AGBL4: variants seen among roughly 807,000 people sequenced by gnomAD.
AGBL4 encodes AGBL carboxypeptidase 4.
Under a neutral mutation model 66.4 loss-of-function variants are expected in AGBL4, and 58 were observed. That is an observed-to-expected ratio of 0.87 (90% CI 0.71 to 1.09). The LOEUF is 1.09. Among genes scored for constraint, AGBL4 ranks in the 50% least tolerant of loss-of-function variants. The pLI, the probability that AGBL4 is intolerant of heterozygous loss-of-function variation, is 0.00. For missense variants in AGBL4, 579 were observed against 631.0 expected, an observed-to-expected ratio of 0.92 and a Z score of 0.88; for synonymous variants, 234 against 222.9, an observed-to-expected ratio of 1.05 and a Z score of -0.44.
chr1:49,129,886 C>T (rs1645852611), intron 4 of AGBL4, among the ~76,000 whole-genome samples: 1 of 152,290 alleles, frequency 6.6e-6, no homozygotes, highest in East Asian at 1.9e-4. Flanking sequence ...GAGGAATCGC[C>T]ACACTGACCT....
At chr1:48,856,628 A>C (rs1185059217) in intron 6 of AGBL4, among the ~76,000 whole-genome samples, 2 of 152,134 alleles carry the variant, frequency 1.3e-5, no homozygotes, top group Non-Finnish European at 2.9e-5. Context: ...AGGAGACTTT[A>C]ATTAGAGAAA....
At chr1:48,689,458 CTCCT>C (rs939102305) in intron 6 of AGBL4, among the ~76,000 whole-genome samples, 3 of 149,840 alleles carry the variant, frequency 2.0e-5, no homozygotes, top group Admixed American at 1.3e-4. Flanking sequence ...CCCTCCCTCC[CTCCT>C]TCCTTCCTTC....
chr1:48,848,289 C>G (rs1400869357), intron 6 of AGBL4, among the ~76,000 whole-genome samples: 1 of 152,200 alleles, frequency 6.6e-6, no homozygotes, highest in Non-Finnish European at 1.5e-5. Flanking sequence ...ATTTCAATGT[C>G]TGAGTCATTA....
At chr1:49,643,595 C>T (rs1222658576) in intron 3 of AGBL4, among the ~76,000 whole-genome samples, 1 of 151,392 alleles carries the variant, frequency 6.6e-6, no homozygotes, top group Non-Finnish European at 1.5e-5. Context: ...AAAAGAGAGG[C>T]ATTATGCACA....
chr1:49,922,137 T>A (rs967192979), intron 1 of AGBL4, among the ~76,000 whole-genome samples: 1 of 152,258 alleles, frequency 6.6e-6, no homozygotes, highest in East Asian at 1.9e-4. Context: ...TTTTTGTTTA[T>A]GTGATGAGTC....
intron 6 of AGBL4, among the ~76,000 whole-genome samples, chr1:48,706,910 G>T (rs1470387557): frequency 1.3e-5 from 2 of 152,174 alleles, no homozygotes; most frequent in Admixed American, 1.3e-4. Context: ...GAGCCATCTG[G>T]TCATGTTCCT....
chr1:48,527,832 C>A, the AGBL4 span, among the ~76,000 whole-genome samples: 7 of 151,952 alleles, frequency 4.6e-5, no homozygotes, highest in African/African-American at 1.7e-4. Context: ...AGAAATGGGG[C>A]GTGAAAGACA....
intron 6 of AGBL4, among the ~76,000 whole-genome samples, chr1:48,749,983 AC>A (rs1297650315): frequency 1.3e-5 from 2 of 152,138 alleles, no homozygotes; most frequent in Non-Finnish European, 2.9e-5. Flanking sequence ...TTCCTGAGGG[AC>A]CACTGTGGGC....
intron 2 of AGBL4, among the ~76,000 whole-genome samples, chr1:49,848,861 G>A (rs1330638119): frequency 6.6e-6 from 1 of 152,128 alleles, no homozygotes; most frequent in Non-Finnish European, 1.5e-5. Context: ...GAAAGTCCAT[G>A]GCATGAAATG....
intron 3 of AGBL4, among the ~76,000 whole-genome samples, chr1:49,317,925 G>A (rs1056138853): frequency 3.3e-5 from 5 of 152,020 alleles, no homozygotes; most frequent in Non-Finnish European, 5.9e-5. Context: ...TGAAAAAAGC[G>A]TTAAAACCAC....
At chr1:49,029,314 A>G (rs528918182) in intron 5 of AGBL4, among the ~76,000 whole-genome samples, 3 of 152,308 alleles carry the variant, frequency 2.0e-5, no homozygotes, top group Admixed American at 6.5e-5. Flanking sequence ...TTTAATCTTA[A>G]GGAATCTAAT....
intron 5 of AGBL4, among the ~76,000 whole-genome samples, chr1:49,027,243 C>T (rs1010822254): frequency 4.6e-5 from 7 of 152,058 alleles, no homozygotes; most frequent in Non-Finnish European, 1.0e-4. Context: ...TCACTACAAC[C>T]TCCGCCTCCC....
chr1:48,867,107 G>C, intron 6 of AGBL4, 84 bp downstream of exon 6: 1 of 1,466,506 alleles, frequency 6.8e-7, no homozygotes, highest in Non-Finnish European at 9.5e-7. Flanking sequence ...AAAAGAGAAG[G>C]GCAAGAATTG....
chr1:49,364,831 AT>A (rs1054062263), intron 3 of AGBL4, among the ~76,000 whole-genome samples: 29 of 152,302 alleles, frequency 1.9e-4, no homozygotes, highest in Non-Finnish European at 3.8e-4. Flanking sequence ...AGGCAGATAA[AT>A]TAAGTAATTG....
chr1:49,097,214 A>G (rs187579233), intron 4 of AGBL4, among the ~76,000 whole-genome samples: 1 of 152,360 alleles, frequency 6.6e-6, no homozygotes, highest in African/African-American at 2.4e-5. Context: ...AAGACATAGA[A>G]TAATATTCCT....
chr1:48,989,315 C>T (rs1331202272), intron 5 of AGBL4, among the ~76,000 whole-genome samples: 1 of 152,082 alleles, frequency 6.6e-6, no homozygotes, highest in African/African-American at 2.4e-5. Context: ...TAGTAATAAT[C>T]ACATCAAGGT....
chr1:49,761,106 C>T (rs1321786744), intron 2 of AGBL4, among the ~76,000 whole-genome samples: 1 of 148,614 alleles, frequency 6.7e-6, no homozygotes, highest in Non-Finnish European at 1.5e-5. Flanking sequence ...ATGTAACAAA[C>T]CTGCATGTTC....
chr1:49,538,374 C>T (rs1570977214), intron 3 of AGBL4, among the ~76,000 whole-genome samples: 2 of 152,160 alleles, frequency 1.3e-5, no homozygotes, highest in East Asian at 3.9e-4. Context: ...ATACACATAA[C>T]AGACATTGGA....
At chr1:49,377,283 GT>G (rs1399099919) in intron 3 of AGBL4, among the ~76,000 whole-genome samples, 1 of 152,058 alleles carries the variant, frequency 6.6e-6, no homozygotes, top group Non-Finnish European at 1.5e-5. Flanking sequence ...TGCCTTCTAT[GT>G]TCCAAGCTCT....
Sources: allele counts gnomAD v4.1 joint callset (sites outside exome capture counted in the v4.1 genomes callset), GRCh38; gene constraint gnomAD v4.1.1; transcripts MANE v1.5; gene names NCBI Gene and HGNC (gene_info 2026-07-23, HGNC 2026-07-21).